Variants in RBFOX1 observed in about 807,000 individuals in gnomAD.
RBFOX1 encodes RNA binding fox-1 homolog 1.
A neutral mutation model predicts 57.7 loss-of-function variants in RBFOX1; 8 were observed. The observed-to-expected ratio is 0.14, with a 90% CI of 0.08 to 0.25. The LOEUF (loss-of-function observed/expected upper bound fraction) is 0.25, where lower values mean the gene tolerates loss of function less well. Among genes scored for constraint, RBFOX1 ranks in the 10% least tolerant of loss-of-function variants. The pLI, the probability that RBFOX1 is intolerant of heterozygous loss-of-function variation, is 1.00. For synonymous variants in RBFOX1, 326 were observed against 222.4 expected (o/e 1.47, Z -4.15); for missense variants, 611 against 548.5 (o/e 1.11, Z -1.14).
intron 3 of RBFOX1, among the ~76,000 whole-genome samples, chr16:5,693,884 G>C (rs951804191): frequency 3.3e-5 from 5 of 152,174 alleles, no homozygotes; most frequent in African/African-American, 1.2e-4. Flanking sequence ...GGTTCAGTGA[G>C]AGGACTGTCT....
chr16:6,799,002 T>G (rs1346588160), intron 3 of RBFOX1, among the ~76,000 whole-genome samples: 2 of 152,076 alleles, frequency 1.3e-5, no homozygotes, highest in African/African-American at 4.8e-5. Context: ...AAAAGAAGAA[T>G]GGGTATATTT....
intron 1 of RBFOX1, among the ~76,000 whole-genome samples, chr16:6,115,124 C>T (rs929218841): frequency 6.6e-6 from 1 of 152,098 alleles, no homozygotes; most frequent in African/African-American, 2.4e-5. Context: ...TGCTAACGAG[C>T]CGTGAGGGTA....
chr16:5,769,273 T>C (rs2043633), intron 3 of RBFOX1, among the ~76,000 whole-genome samples: 1 of 151,674 alleles, frequency 6.6e-6, no homozygotes, highest in Non-Finnish European at 1.5e-5. Context: ...GACAGGGTGT[T>C]TATGGAGCTA....
chr16:7,551,737 A>C (rs2086606901), intron 5 of RBFOX1, among the ~76,000 whole-genome samples: 2 of 152,220 alleles, frequency 1.3e-5, no homozygotes, highest in South Asian at 4.1e-4. Flanking sequence ...TTACTAGCCA[A>C]ATCTGTGTTC....
At chr16:7,665,298 G>A (rs553153043) in intron 13 of RBFOX1, among the ~76,000 whole-genome samples, 22 of 152,078 alleles carry the variant, frequency 1.4e-4, no homozygotes, top group East Asian at 7.7e-4. Context: ...TATGTTCTTC[G>A]TTTTCAGTAT....
At chr16:6,859,185 G>GTATATATATGTA (rs2058553553) in intron 3 of RBFOX1, among the ~76,000 whole-genome samples, 1 of 44,030 alleles carries the variant, frequency 2.3e-5, no homozygotes, top group African/African-American at 9.1e-5. Flanking sequence ...GTATATATAT[G>GTATATATATGTA]TATATATATA....
chr16:5,774,743 C>G (rs1262472570), intron 3 of RBFOX1, among the ~76,000 whole-genome samples: 2 of 152,210 alleles, frequency 1.3e-5, no homozygotes, highest in East Asian at 3.9e-4. Context: ...AGTGCAGTGG[C>G]GCAATCTTGG....
intron 1 of RBFOX1, among the ~76,000 whole-genome samples, chr16:6,247,276 T>C (rs1469733119): frequency 6.6e-6 from 1 of 152,186 alleles, no homozygotes; most frequent in African/African-American, 2.4e-5. Flanking sequence ...CAGCCTTCAA[T>C]GGATTGAGGA....
At chr16:6,861,042 C>T (rs913476763) in intron 3 of RBFOX1, among the ~76,000 whole-genome samples, 8 of 152,116 alleles carry the variant, frequency 5.3e-5, no homozygotes, top group Admixed American at 2.0e-4. Flanking sequence ...AGTAGGGGAG[C>T]GGTTGTAATC....
intron 4 of RBFOX1, among the ~76,000 whole-genome samples, chr16:7,121,198 C>T (rs1159992002): frequency 6.6e-6 from 1 of 151,996 alleles, no homozygotes; most frequent in Non-Finnish European, 1.5e-5. Flanking sequence ...TCCATTAGAG[C>T]AGGAACAAGG....
intron 1 of RBFOX1, among the ~76,000 whole-genome samples, chr16:5,364,097 C>T (rs1427222198): frequency 6.6e-6 from 1 of 152,178 alleles, no homozygotes; most frequent in Admixed American, 6.5e-5. Flanking sequence ...AGCCAGGTCC[C>T]CTTAATTAGG....
At chr16:6,642,696 G>GCTGT (rs375148531) in intron 2 of RBFOX1, among the ~76,000 whole-genome samples, 1 of 152,198 alleles carries the variant, frequency 6.6e-6, no homozygotes, top group African/African-American at 2.4e-5. Context: ...TGAAAAGCCT[G>GCTGT]CTGTCTTTAT....
chr16:5,549,245 G>A (rs758729179), intron 2 of RBFOX1, among the ~76,000 whole-genome samples: 12 of 152,164 alleles, frequency 7.9e-5, no homozygotes, highest in Non-Finnish European at 1.6e-4. Context: ...GAGAGCCTGG[G>A]AGCCTTCCTT....
chr16:6,948,851 T>G (rs187968686), intron 3 of RBFOX1, among the ~76,000 whole-genome samples: 3 of 152,316 alleles, frequency 2.0e-5, no homozygotes, highest in Admixed American at 2.0e-4. Context: ...ATCAGTCTTC[T>G]GTCCGTCTAT....
chr16:6,457,191 A>G (rs1168992857), intron 2 of RBFOX1, among the ~76,000 whole-genome samples: 1 of 152,206 alleles, frequency 6.6e-6, no homozygotes, highest in African/African-American at 2.4e-5. Flanking sequence ...GAAAGGATTT[A>G]TAAGACAGTC....
At chr16:6,100,151 T>G (rs1231026207) in intron 1 of RBFOX1, among the ~76,000 whole-genome samples, 1 of 151,296 alleles carries the variant, frequency 6.6e-6, no homozygotes, top group African/African-American at 2.4e-5. Context: ...TTTTTTTTGT[T>G]GTTGTTTTTT....
rs1349615912 is a variant in RBFOX1, at chr16:6,573,941, C to T, written c.-63-80662C>T. On this transcript the variant is annotated intron_variant, in intron 2 of 15. Transcript: ENST00000550418. ...AAGACAGGCAAGCCATACTGGCCTC[C>T]CTCGAGGTTATACCCTCGCTTAGGT... 3.3e-5 allele frequency: 5 copies of T among 152,348 alleles called. 1 individual carries two copies. In the East Asian group the frequency reaches 9.7e-4, roughly 29 times the overall value. The allele number at this position is 152,348 out of a possible 1,614,324, so 9.4% of individuals were successfully genotyped here. A position where few individuals can be genotyped will look rare whatever the true frequency, so the allele number is the denominator to read the frequency against.
At chr16:7,693,415 C>CGTT in intron 14 of RBFOX1, 1 of 973,512 alleles carries the variant, frequency 1.0e-6, no homozygotes, top group Admixed American at 3.3e-5. Flanking sequence ...GTCTCAGTAT[C>CGTT]CTTTTTTTTT....
intron 2 of RBFOX1, among the ~76,000 whole-genome samples, chr16:6,556,814 G>T (rs141180964): frequency 3.3e-5 from 5 of 151,972 alleles, no homozygotes; most frequent in Admixed American, 3.3e-4. Flanking sequence ...GTGACTGCAG[G>T]TGTTATGTTT....
Sources: allele counts gnomAD v4.1 joint callset (sites outside exome capture counted in the v4.1 genomes callset), GRCh38; gene constraint gnomAD v4.1.1; transcripts MANE v1.5; gene names NCBI Gene and HGNC (gene_info 2026-07-23, HGNC 2026-07-21).